Variants in CELF2 observed in about 807,000 individuals in gnomAD.
CELF2 encodes the protein CUG triplet repeat RNA-binding protein 2.
In CELF2, 8 loss-of-function variants were observed where a neutral mutation model predicts 62.6. The observed-to-expected ratio is 0.13, with a 90% confidence interval of 0.07 to 0.23. CELF2 has a LOEUF of 0.23. CELF2 is among the 10% of genes least tolerant of loss of function. The probability of loss-of-function intolerance (pLI) is 1.00; values close to 1 mark genes in which losing one functional copy is unlikely to be tolerated. For missense variants in CELF2, 333 were observed against 671.0 expected (o/e 0.50, Z 5.56); for synonymous variants, 258 against 250.0 (o/e 1.03, Z -0.30).
chr10:11,229,329 A>G (rs369695788), intron 3 of CELF2, among the ~76,000 whole-genome samples: 53 of 152,170 alleles, frequency 3.5e-4, no homozygotes, highest in Middle Eastern at 3.4e-3. Flanking sequence ...TCTCATTTCC[A>G]TTCTCTGGGA....
At chr10:10,636,677 TG>T in the CELF2 span, among the ~76,000 whole-genome samples, 1 of 152,206 alleles carries the variant, frequency 6.6e-6, no homozygotes, top group African/African-American at 2.4e-5. Context: ...AGTTTCTCTT[TG>T]ATTTCTGAGA....
intron 1 of CELF2, among the ~76,000 whole-genome samples, chr10:11,091,494 T>C (rs17149477): frequency 0.042 from 6,354 of 152,308 alleles, 154 homozygotes; most frequent in Non-Finnish European, 0.055. Flanking sequence ...GTTCATGTGC[T>C]TTGCCTTTTC....
At chr10:10,682,291 T>A in the CELF2 span, among the ~76,000 whole-genome samples, 1 of 152,242 alleles carries the variant, frequency 6.6e-6, no homozygotes. Context: ...GTGAGCACAA[T>A]GAGAAATTTA....
chr10:10,604,341 G>A, the CELF2 span, among the ~76,000 whole-genome samples: 2 of 152,190 alleles, frequency 1.3e-5, no homozygotes, highest in Non-Finnish European at 2.9e-5. Flanking sequence ...TCAAAAAGAA[G>A]TTTGATATCC....
chr10:10,749,785 T>C, the CELF2 span, among the ~76,000 whole-genome samples: 2 of 152,216 alleles, frequency 1.3e-5, no homozygotes, highest in African/African-American at 2.4e-5. Context: ...ATAAATGATA[T>C]GATTTAAGGT....
the CELF2 span, among the ~76,000 whole-genome samples, chr10:10,644,890 A>T: frequency 1.5e-4 from 23 of 152,258 alleles, no homozygotes; most frequent in South Asian, 2.1e-3. Context: ...GATGGGGTTC[A>T]ACTTTTTCAC....
Position 11,260,435 on chromosome 10 carries a change from G to C in CELF2, c.538+2563G>C, listed in dbSNP as rs2080156763. Among the ~76,000 whole-genome samples, 1 of 152,200 alleles carries C rather than the reference G, an allele frequency of 6.6e-6. No individual in the cohort carries two copies. The highest frequency in any genetic ancestry group is 1.5e-5 in the Non-Finnish European group (1 of 68,040). ...TACATCAGTTATTTCTGCAGATCAG[G>C]TTTTAAAGCAGCCAGAACCTCCATG... On this transcript the variant is annotated intron_variant, in intron 5 of 12. Coordinates refer to ENST00000633077, the MANE Select transcript of CELF2 (RefSeq NM_001326342.2). The surrounding 1 kb of genome is among the most constrained non-coding windows in gnomAD (Gnocchi z 4.2).
At chr10:10,760,303 C>T in the CELF2 span, among the ~76,000 whole-genome samples, 71 of 152,262 alleles carry the variant, frequency 4.7e-4, no homozygotes, top group Admixed American at 7.2e-4. Context: ...ATCCTGAGAA[C>T]GCCTGACTCT....
chr10:11,043,193 T>C (rs1208510707), intron 1 of CELF2, among the ~76,000 whole-genome samples: 1 of 152,068 alleles, frequency 6.6e-6, no homozygotes, highest in African/African-American at 2.4e-5. Context: ...AGGATCACGA[T>C]CAGTTAAGTT....
At chr10:10,586,633 A>T in the CELF2 span, among the ~76,000 whole-genome samples, 1,825 of 152,242 alleles carry the variant, frequency 0.012, 37 homozygotes, top group African/African-American at 0.041. Flanking sequence ...CAACCTAATC[A>T]TGCTCACTAC....
chr10:10,869,929 T>C (rs1481246706), intron 1 of CELF2, among the ~76,000 whole-genome samples: 1 of 152,162 alleles, frequency 6.6e-6, no homozygotes, highest in Non-Finnish European at 1.5e-5. Flanking sequence ...CACAGTGAGA[T>C]AGTGAGACCT....
the CELF2 span, among the ~76,000 whole-genome samples, chr10:10,744,153 G>A: frequency 3.3e-5 from 5 of 152,138 alleles, no homozygotes; most frequent in South Asian, 1.0e-3. Flanking sequence ...CCATGTATAC[G>A]AGTGCCAGTA....
rs1490428839 is a variant in CELF2, at chr10:10,995,850, T to A, written c.89+75851T>A. 6.6e-6 allele frequency among the ~76,000 whole-genome samples: 1 copy of A among 152,184 alleles called. No individual in the cohort carries two copies. The highest frequency in any genetic ancestry group is 1.5e-5 in the Non-Finnish European group (1 of 68,022). On this transcript the variant is annotated intron_variant, in intron 2 of 13. Coordinates refer to the CELF2 transcript ENST00000636488. The surrounding 1 kb of genome is among the most constrained non-coding windows in gnomAD (Gnocchi z 4.7). ...ACAGATTCTCGTCTCTCTGACAATGTAAACTCATGGGCATTCTAGTTTCTA... is the reference window on the plus strand; with the variant it reads ...ACAGATTCTCGTCTCTCTGACAATGAAAACTCATGGGCATTCTAGTTTCTA...
At chr10:10,699,648 T>A in the CELF2 span, among the ~76,000 whole-genome samples, 1 of 152,196 alleles carries the variant, frequency 6.6e-6, no homozygotes, top group African/African-American at 2.4e-5. Flanking sequence ...CAGAGGGGGA[T>A]GCCTGACTGC....
chr10:10,527,695 G>A, the CELF2 span, among the ~76,000 whole-genome samples: 1 of 152,158 alleles, frequency 6.6e-6, no homozygotes, highest in Non-Finnish European at 1.5e-5. Flanking sequence ...TGAAGAACCA[G>A]TCATTGCCTC....
At chr10:10,691,917 A>G in the CELF2 span, among the ~76,000 whole-genome samples, 1 of 151,294 alleles carries the variant, frequency 6.6e-6, no homozygotes, top group Non-Finnish European at 1.5e-5. Flanking sequence ...GCCCTTTGTC[A>G]GATGAGTAGG....
At chr10:11,287,398 G>A (rs2091595497) in intron 8 of CELF2, among the ~76,000 whole-genome samples, 1 of 152,200 alleles carries the variant, frequency 6.6e-6, no homozygotes, top group Admixed American at 6.5e-5. Flanking sequence ...AGAAAAGATA[G>A]TTAAACTAAC....
At chr10:10,474,040 G>T in the CELF2 span, among the ~76,000 whole-genome samples, 4 of 152,122 alleles carry the variant, frequency 2.6e-5, no homozygotes, top group East Asian at 7.7e-4. Context: ...GGTGGTCAAG[G>T]AAGCCCTCCC....
chr10:11,069,249 G>T (rs2069040448), intron 1 of CELF2, among the ~76,000 whole-genome samples: 1 of 152,122 alleles, frequency 6.6e-6, no homozygotes, highest in Non-Finnish European at 1.5e-5. Context: ...GTTTAGAATT[G>T]ATCATTTTCT....
Sources: allele counts gnomAD v4.1 joint callset (sites outside exome capture counted in the v4.1 genomes callset), GRCh38; gene constraint gnomAD v4.1.1; non-coding constraint Gnocchi (gnomAD v3.1); transcripts MANE v1.5; gene names NCBI Gene and HGNC (gene_info 2026-07-23, HGNC 2026-07-21).